RAI14: variants seen among roughly 807,000 people sequenced by gnomAD.
RAI14 encodes the protein retinoic acid induced 14.
A neutral mutation model predicts 115.4 loss-of-function variants in RAI14; 45 were observed. That is an observed-to-expected ratio of 0.39 (90% CI 0.31 to 0.50). The LOEUF (loss-of-function observed/expected upper bound fraction) is 0.50. RAI14 is among the 20% of genes least tolerant of loss of function. The pLI, the probability that RAI14 is intolerant of heterozygous loss-of-function variation, is 0.85. For synonymous variants in RAI14, 371 were observed against 415.4 expected, an observed-to-expected ratio of 0.89 and a Z score of 1.30; for missense variants, 939 against 1,131.2, an observed-to-expected ratio of 0.83 and a Z score of 2.44.
chr5:34,831,890 GT>G lies in RAI14; in HGVS notation c.*1129del, dbSNP rs1758039090. ...CAAATCCTCCTTTTACCCGTTGAAT[GT>G]TTTGAATGCCCTGACTCTACCAGCG... is the stretch of plus-strand genomic sequence containing the variant. On this transcript the variant is annotated 3_prime_UTR_variant, in exon 18 of 18. Transcript: ENST00000265109. 1 of 152,146 alleles carries G rather than the reference GT, an allele frequency of 6.6e-6. No homozygotes were observed. Among genetic ancestry groups the G allele is most frequent in the Non-Finnish European group, 1.5e-5 (1 of 68,040 alleles). 9.4% of individuals were successfully genotyped at this position (152,146 alleles called of 1,614,324 possible). A position where few individuals can be genotyped will look rare whatever the true frequency, so the allele number is the denominator to read the frequency against.
At chr5:34,766,066 G>A (rs1440626808) in intron 3 of RAI14, among the ~76,000 whole-genome samples, 1 of 152,232 alleles carries the variant, frequency 6.6e-6, no homozygotes, top group African/African-American at 2.4e-5. Flanking sequence ...ACTACACCTG[G>A]ATTTCAGAAG....
intron 4 of RAI14, 64 bp downstream of exon 4, chr5:34,796,091 C>A (rs1472569962): frequency 1.5e-6 from 2 of 1,318,560 alleles, no homozygotes; most frequent in Non-Finnish European, 2.2e-6. Flanking sequence ...AAAAGTAATA[C>A]ATATTCATTA....
At chr5:34,753,766 T>C (rs764886783) in intron 2 of RAI14, among the ~76,000 whole-genome samples, 13 of 152,034 alleles carry the variant, frequency 8.6e-5, no homozygotes, top group Non-Finnish European at 1.5e-4. Context: ...ATACAAAAAT[T>C]AGCTGGGCGT....
chr5:34,827,282 G>GAT lies in RAI14; in HGVS notation c.2799+805_2799+806dup, dbSNP rs1259926354. Among the ~76,000 whole-genome samples, 1 of 140,390 alleles carries GAT rather than the reference G, an allele frequency of 7.1e-6. No homozygotes were observed. The highest frequency in any genetic ancestry group is 1.5e-5 in the Non-Finnish European group (1 of 64,540). 92.1% of individuals were successfully genotyped at this position (140,390 alleles called of 152,430 possible). On this transcript the variant is annotated intron_variant, in intron 16 of 17. Transcript: ENST00000265109. This position sits in a 1 kb window ranked among gnomAD's most constrained non-coding sequence, Gnocchi z 4.2. ...TCTAAAGCCCACCTAGATAATCCAC[G>GAT]ATAATCTCCCTCTCCATCTCAAACC...
chr5:34,728,184 C>T (rs545545170), intron 2 of RAI14, among the ~76,000 whole-genome samples: 1 of 152,168 alleles, frequency 6.6e-6, no homozygotes, highest in Non-Finnish European at 1.5e-5. Flanking sequence ...GTCTGTACCC[C>T]CACTGTATCT....
chr5:34,711,890 C>T (rs1741443948), intron 2 of RAI14, among the ~76,000 whole-genome samples: 2 of 152,192 alleles, frequency 1.3e-5, no homozygotes, highest in South Asian at 2.1e-4. Context: ...CTGAAAGTTA[C>T]ACCGCCTCTT....
chr5:34,815,998 T>C (rs1013170176), intron 12 of RAI14, among the ~76,000 whole-genome samples: 2 of 152,200 alleles, frequency 1.3e-5, no homozygotes, highest in Non-Finnish European at 2.9e-5. Context: ...CCTCATTCTT[T>C]CCTGAATGCA....
chr5:34,656,343 G>A lies in RAI14; in HGVS notation c.-181G>A, dbSNP rs910206754. The A allele has an allele frequency of 6.6e-6, 1 of 151,996 alleles. No individual in the cohort carries two copies. The highest frequency in any genetic ancestry group is 1.5e-5 in the Non-Finnish European group (1 of 67,968). The allele number at this position is 151,996 out of a possible 1,614,324, so 9.4% of individuals were successfully genotyped here. A position where few individuals can be genotyped will look rare whatever the true frequency, so the allele number is the denominator to read the frequency against. ...CTCGGCGCCCACTGACCCCCGCAGC[G>A]GGGGAGGAGGAGGGACTGCGGCGCA... On this transcript the variant is annotated 5_prime_UTR_variant, in exon 1 of 18. Coordinates refer to ENST00000265109, the MANE Select transcript of RAI14 (RefSeq NM_015577.3).
At chr5:34,717,804 T>C (rs1006658208) in intron 2 of RAI14, among the ~76,000 whole-genome samples, 1 of 151,578 alleles carries the variant, frequency 6.6e-6, no homozygotes, top group Non-Finnish European at 1.5e-5. Flanking sequence ...AGGCTTTAAG[T>C]ACTGGCATTC....
chr5:34,802,972 T>A (rs2150232035), intron 4 of RAI14, among the ~76,000 whole-genome samples: 1 of 152,258 alleles, frequency 6.6e-6, no homozygotes, highest in East Asian at 1.9e-4. Flanking sequence ...GGGGCTGAAG[T>A]GTGTGGATCT....
At chr5:34,660,302 C>T (rs1742592476) in intron 1 of RAI14, among the ~76,000 whole-genome samples, 2 of 152,168 alleles carry the variant, frequency 1.3e-5, no homozygotes, top group Admixed American at 1.3e-4. Flanking sequence ...CGTGGTGGCG[C>T]ATGCCTGTAA....
chr5:34,829,456 T>C (rs1757803836), intron 16 of RAI14, among the ~76,000 whole-genome samples: 1 of 152,190 alleles, frequency 6.6e-6, no homozygotes, highest in South Asian at 2.1e-4. Flanking sequence ...CCAAAGAGCA[T>C]ATATTTTTAA....
In RAI14 at chr5:34,823,581, A is replaced by C. The variant is rs141832267; in HGVS notation, c.1739A>C (p.Lys580Thr). The C allele has an allele frequency of 4.5e-4, 728 of 1,614,238 alleles. 2 individuals carry two copies. The African/African-American group carries it at 8.8e-3, about 19-fold the overall frequency. The stretch of plus-strand genomic sequence containing the variant: ...CCTGTGGAAGAGTACGAGGAAATGA[A>C]AAGTTCATATTGCTCTGTTATTGAG... ...KPPVEEYEEM[K>T]SSYCSVIENM... Residue 580 changes from lysine to threonine, a missense_variant, in exon 15 of 18, where the codon AAA becomes ACA. By Grantham distance (78) the Lys-to-Thr change is moderately conservative. Coordinates refer to ENST00000265109, the MANE Select transcript of RAI14 (RefSeq NM_015577.3). This position sits in a 1 kb window ranked among gnomAD's most constrained non-coding sequence, Gnocchi z 4.5.
At chr5:34,761,897 G>T (rs891601697) in intron 3 of RAI14, among the ~76,000 whole-genome samples, 3 of 152,084 alleles carry the variant, frequency 2.0e-5, no homozygotes, top group Non-Finnish European at 4.4e-5. Flanking sequence ...TGAGTAGCTG[G>T]GACTATAAGG....
At chr5:34,663,393 G>A (rs969961220) in intron 1 of RAI14, among the ~76,000 whole-genome samples, 1 of 152,088 alleles carries the variant, frequency 6.6e-6, no homozygotes, top group Non-Finnish European at 1.5e-5. Context: ...GTGCATTCCT[G>A]TAGTCCCAGC....
chr5:34,696,317 T>C (rs898634887), intron 2 of RAI14, among the ~76,000 whole-genome samples: 2 of 151,954 alleles, frequency 1.3e-5, no homozygotes, highest in African/African-American at 4.8e-5. Context: ...TTTTTATTTT[T>C]AGTAGAGACA....
chr5:34,718,698 T>C (rs78639696), intron 2 of RAI14, among the ~76,000 whole-genome samples: 87 of 152,350 alleles, frequency 5.7e-4, no homozygotes, highest in African/African-American at 2.0e-3. Flanking sequence ...ATTTCAACTC[T>C]ACCACATCCT....
chr5:34,720,519 TC>T (rs1742558534), intron 2 of RAI14, among the ~76,000 whole-genome samples: 1 of 147,850 alleles, frequency 6.8e-6, no homozygotes, highest in African/African-American at 2.5e-5. Flanking sequence ...CATGCCATTC[TC>T]CTGCCTCAGC....
chr5:34,768,697 A>T (rs1749745645), intron 3 of RAI14, among the ~76,000 whole-genome samples: 1 of 152,118 alleles, frequency 6.6e-6, no homozygotes. Flanking sequence ...CTCTGGTTAA[A>T]TGTCGTGGGC....
Sources: allele counts gnomAD v4.1 joint callset (sites outside exome capture counted in the v4.1 genomes callset), GRCh38; gene constraint gnomAD v4.1.1; non-coding constraint Gnocchi (gnomAD v3.1); transcripts MANE v1.5; gene names NCBI Gene and HGNC (gene_info 2026-07-23, HGNC 2026-07-21).